VPS13C: variants seen among roughly 807,000 people sequenced by gnomAD.
The protein encoded by VPS13C is vacuolar protein sorting 13 homolog C.
Under a neutral mutation model 456.8 loss-of-function variants are expected in VPS13C, and 358 were observed. The observed-to-expected ratio is 0.78, with a 90% confidence interval of 0.72 to 0.86. VPS13C has a LOEUF of 0.86. Among genes scored for constraint, VPS13C ranks in the 40% least tolerant of loss-of-function variants. The pLI is 0.00. For synonymous variants in VPS13C, 1,578 were observed against 1,486.7 expected (o/e 1.06, Z -1.41); for missense variants, 4,818 against 4,385.4 (o/e 1.10, Z -2.79).
intron 56 of VPS13C, 55 bp downstream of exon 56, chr15:61,920,443 A>G (rs1283600328): frequency 1.3e-6 from 2 of 1,488,176 alleles, no homozygotes; most frequent in Non-Finnish European, 9.0e-7. Flanking sequence ...CAAAAAAATT[A>G]TATGTTTCAT....
intron 38 of VPS13C, among the ~76,000 whole-genome samples, chr15:61,952,622 C>T (rs887750762): frequency 1.3e-5 from 2 of 152,088 alleles, no homozygotes; most frequent in African/African-American, 4.8e-5. Flanking sequence ...CTGATATTAA[C>T]CAGAAAAACA....
intron 66 of VPS13C, among the ~76,000 whole-genome samples, chr15:61,897,765 C>A (rs1236658481): frequency 6.6e-6 from 1 of 152,080 alleles, no homozygotes; most frequent in Non-Finnish European, 1.5e-5. Context: ...CACAAAGATA[C>A]TCCTCGAGAA....
chr15:61,897,289 C>T (rs549104797), intron 66 of VPS13C, among the ~76,000 whole-genome samples: 35 of 152,096 alleles, frequency 2.3e-4, no homozygotes, highest in African/African-American at 6.3e-4. Flanking sequence ...AGGCTTCAGA[C>T]GATCAAATTA....
At chr15:61,925,397 T>C (rs1218255743) in intron 53 of VPS13C, 59 bp downstream of exon 53, 2 of 1,002,294 alleles carry the variant, frequency 2.0e-6, no homozygotes, top group Non-Finnish European at 1.4e-6. Flanking sequence ...CAACTGCAAA[T>C]ATGCAATGTC....
At chr15:61,967,318 G>A (rs1268294176) in intron 29 of VPS13C, 50 bp downstream of exon 29, 9 of 1,465,736 alleles carry the variant, frequency 6.1e-6, no homozygotes, top group Non-Finnish European at 8.5e-6. Context: ...TCCTTCCAGA[G>A]AAATAGTTTG....
chr15:61,972,756 C>T lies in VPS13C; in HGVS notation c.2626G>A (p.Asp876Asn), dbSNP rs777378094. The T allele has an allele frequency of 1.2e-5, 19 of 1,609,806 alleles. No homozygotes were observed. Among genetic ancestry groups the T allele is most frequent in the Non-Finnish European group, 1.6e-5 (19 of 1,178,132 alleles). Residue 876 changes from aspartate (D) to asparagine (N), a missense_variant, in exon 27 of 85, where the codon GAT (aspartate) becomes AAT (asparagine). This residue lies in a region of VPS13C where 4,552 missense variants were observed against 4,130.6 expected (regional missense o/e 1.10). Coordinates refer to ENST00000644861, the MANE Select transcript of VPS13C (RefSeq NM_020821.3). ...CCATCTTCAGCATCAAAATACTCATCATCAGACTCTAAAGGAAAAAGACAT... is the reference window on the plus strand; with the variant it reads ...CCATCTTCAGCATCAAAATACTCATTATCAGACTCTAAAGGAAAAAGACAT... ...LLDTVESESD[D>N]EYFDAEDGEP...
In VPS13C at chr15:62,006,108, T is replaced by TTA. The variant is rs1555441045; in HGVS notation, c.1290+1199_1290+1200insTA. ...TTTTTAAAGAAATTCTTATTTTTTT[T>TTA]TTATTATTATTATACTTTAAGTTCT... On this transcript the variant is annotated intron_variant, in intron 15 of 84. Coordinates refer to ENST00000644861, the MANE Select transcript of VPS13C (RefSeq NM_020821.3). Among the ~76,000 whole-genome samples the TTA allele has an allele frequency of 4.2e-3, 642 of 151,508 alleles. 6 individuals carry two copies. Among genetic ancestry groups the TTA allele is most frequent in the African/African-American group, 0.014 (571 of 41,392 alleles).
rs1491387839 is a variant in VPS13C at position 62,037,406 on chromosome 15, A to ATG, written c.188-2355_188-2354insCA. Among the ~76,000 whole-genome samples the ATG allele has an allele frequency of 7.7e-4, 84 of 108,612 alleles. 7 individuals are homozygous for ATG. Among genetic ancestry groups the ATG allele is most frequent in the Admixed American group, 1.5e-3 (11 of 7,402 alleles). The allele number at this position is 108,612 out of a possible 152,430, so 71.3% of individuals were successfully genotyped here. ...AATGTATATAATATATTATATATAA[A>ATG]TATATATAATATGTTATATATAAAT... On this transcript the variant is annotated intron_variant, in intron 3 of 84. Coordinates refer to ENST00000644861, the MANE Select transcript of VPS13C (RefSeq NM_020821.3).
In VPS13C at chr15:61,868,683, T is replaced by G; in HGVS notation, c.10839A>C (p.Glu3613Asp). The change falls in exon 81 of 85, where the codon GAA becomes GAC. Residue 3613 changes from glutamate (E) to aspartate (D), a missense_variant. By Grantham distance (45) the Glu-to-Asp change is conservative. Transcript: ENST00000644861. ...DGIIRPYDRQ[E>D]SEGSDLLENH... ...CCTCAAGTAAGTCAGAGCCCTCAGATTCCTGTCTGTCATAAGGACGAATGA... is the reference window on the plus strand; with the variant it reads ...CCTCAAGTAAGTCAGAGCCCTCAGAGTCCTGTCTGTCATAAGGACGAATGA... 6.2e-7 allele frequency: 1 copy of G among 1,614,090 alleles called. No homozygotes were observed. Among genetic ancestry groups the G allele is most frequent in the Non-Finnish European group, 8.5e-7 (1 of 1,180,002 alleles).
chr15:61,985,899 T>C (rs988847884), intron 18 of VPS13C, among the ~76,000 whole-genome samples: 4 of 151,934 alleles, frequency 2.6e-5, no homozygotes, highest in Non-Finnish European at 5.9e-5. Flanking sequence ...AGGGTCAAAA[T>C]TGGAAATCAG....
chr15:62,010,204 T>C (rs554091802), intron 13 of VPS13C, among the ~76,000 whole-genome samples: 5 of 151,882 alleles, frequency 3.3e-5, no homozygotes, highest in African/African-American at 7.2e-5. Flanking sequence ...AAAAAAAATC[T>C]TCCATCAACA....
intron 9 of VPS13C, among the ~76,000 whole-genome samples, chr15:62,018,936 A>G (rs1311780336): frequency 2.0e-5 from 3 of 152,182 alleles, no homozygotes; most frequent in African/African-American, 7.2e-5. Flanking sequence ...TTTGGTTGGT[A>G]AGCTATTAAT....
In VPS13C at chr15:62,035,047, AT is replaced by A. The variant is rs761323769; in HGVS notation, c.192del (p.Lys64AsnfsTer2). The A allele has an allele frequency of 5.6e-6, 9 of 1,602,338 alleles. No individual in the cohort carries two copies. Among genetic ancestry groups the A allele is most frequent in the African/African-American group, 1.3e-5 (1 of 74,492 alleles). On this transcript the variant is annotated frameshift_variant, in exon 4 of 85. Transcript: ENST00000644861. LOFTEE classifies it high-confidence loss of function. Reference protein sequence around the residue: ...PFKVKAGQIDKLTLKIPWKNL... With the variant: ...PFKVKAGQIDXLTLKIPWKNL... ...TTCTTCCAAGGAATCTTCAAAGTTAATTTATCTAAGGAAACATAATTTCAAC... is the reference window on the plus strand; with the variant it reads ...TTCTTCCAAGGAATCTTCAAAGTTAATTATCTAAGGAAACATAATTTCAAC...
chr15:61,905,405 A>C (rs2043127151), intron 66 of VPS13C, among the ~76,000 whole-genome samples: 1 of 152,174 alleles, frequency 6.6e-6, no homozygotes, highest in East Asian at 1.9e-4. Context: ...ACTTACAGTT[A>C]AATCTTATGT....
chr15:61,908,951 A>G lies in VPS13C; in HGVS notation c.8978+41T>C, dbSNP rs780354875. The stretch of plus-strand genomic sequence containing the variant: ...AAAGTGTTTCCCATTAGTTACTATG[A>G]ACCAATAAAAGTATTTCCCATTAAC... On this transcript the variant is annotated intron_variant, in intron 65 of 84. Transcript: ENST00000644861. 4.1e-5 allele frequency: 65 copies of G among 1,601,424 alleles called. No individual in the cohort carries two copies. In the Admixed American group the frequency reaches 1.1e-3, roughly 28 times the overall value.
chr15:62,049,482 A>G (rs1014055199), intron 1 of VPS13C, among the ~76,000 whole-genome samples: 1 of 152,204 alleles, frequency 6.6e-6, no homozygotes, highest in African/African-American at 2.4e-5. Context: ...TGGTACCAGT[A>G]CCATGCTGTT....
At chr15:61,993,262 A>G (rs1163618643) in intron 16 of VPS13C, among the ~76,000 whole-genome samples, 1 of 152,152 alleles carries the variant, frequency 6.6e-6, no homozygotes, top group Non-Finnish European at 1.5e-5. Context: ...GATAGCTTTA[A>G]GTTTTAAAAG....
intron 16 of VPS13C, among the ~76,000 whole-genome samples, chr15:61,995,852 A>G (rs1340939050): frequency 6.6e-6 from 1 of 152,226 alleles, no homozygotes; most frequent in African/African-American, 2.4e-5. Context: ...AAACTCAGAG[A>G]TAATAGCTAT....
chr15:61,961,431 A>G (rs928411011), intron 35 of VPS13C, among the ~76,000 whole-genome samples, 158 bp downstream of exon 35: 1 of 142,082 alleles, frequency 7.0e-6, no homozygotes, highest in Non-Finnish European at 1.5e-5. Context: ...ACACACACAC[A>G]CACACACACA....
Sources: gnomAD v4.1 joint callset for allele counts (sites outside exome capture counted in the v4.1 genomes callset) on GRCh38, gnomAD v4.1.1 for gene constraint, gnomAD v4.1.1 regional missense constraint, MANE v1.5 for transcripts, NCBI Gene and HGNC (gene_info 2026-07-23, HGNC 2026-07-21) for gene names.